The following NAT10 variants were observed in gnomAD, a reference collection of about 807,000 sequenced individuals.
The protein encoded by NAT10 is N-acetyltransferase 10, also known as RNA cytidine acetyltransferase.
In NAT10, 109 loss-of-function variants were observed where a neutral mutation model predicts 132.2. That is an observed-to-expected ratio of 0.82 (90% CI 0.71 to 0.97). The LOEUF is 0.97. Ranked by LOEUF, NAT10 falls within the 50% of genes least tolerant of loss-of-function variation. The pLI is 0.00. For missense variants in NAT10, 1,184 were observed against 1,263.4 expected, an observed-to-expected ratio of 0.94 and a Z score of 0.95; for synonymous variants, 479 against 478.0, an observed-to-expected ratio of 1.00 and a Z score of -0.03.
intron 5 of NAT10, 90 bp downstream of exon 5, chr11:34,113,928 A>C: frequency 6.7e-7 from 1 of 1,491,430 alleles, no homozygotes; most frequent in African/African-American, 1.4e-5. Flanking sequence ...CCTGTTGGGC[A>C]GCTCCAGTGA....
chr11:34,134,269 T>C, intron 16 of NAT10, 50 bp from the exon 17 acceptor site: 1 of 1,475,604 alleles, frequency 6.8e-7, no homozygotes, highest in South Asian at 1.1e-5. Context: ...GTGAGTGGGC[T>C]CTGTATCAGA....
rs79517378 is a variant in NAT10 at position 34,112,039 on chromosome 11, T to C, written c.201-13T>C. The C allele has an allele frequency of 0.088, 141,463 of 1,612,960 alleles. 6,829 individuals carry two copies. Among genetic ancestry groups the C allele is most frequent in the African/African-American group, 0.15 (11,482 of 74,888 alleles). On this transcript the variant is annotated splice_polypyrimidine_tract_variant and intron_variant, in intron 3 of 28. Transcript: ENST00000257829. ...TAACTGGCTCTCATGGGATTGGGGG[T>C]GTGTGATTGCAGTCACCGGAAGAAA...
intron 3 of NAT10, among the ~76,000 whole-genome samples, chr11:34,111,202 C>T (rs1307946410): frequency 6.6e-6 from 1 of 152,204 alleles, no homozygotes; most frequent in Admixed American, 6.5e-5. Context: ...TTCTGCCCCA[C>T]CCCTGTCTTA....
rs1331970068 is a variant in NAT10, at chr11:34,146,151, A to G, written c.3037A>G (p.Thr1013Ala). The change falls in exon 29 of 29, where the codon ACA becomes GCA. Residue 1013 changes from threonine to alanine, a missense_variant. Physicochemically the swap from Thr to Ala is moderately conservative, Grantham distance 58. Coordinates refer to ENST00000257829, the MANE Select transcript of NAT10 (RefSeq NM_024662.3). ...GAGCAAGAAGTTGAAGAACAGAGAG[A>G]CAAAGAACAAAAAAGATATGAAACT... ...KQSKKLKNRE[T>A]KNKKDMKLKR... The G allele has an allele frequency of 1.2e-6, 2 of 1,610,364 alleles. No individual in the cohort carries two copies. Among genetic ancestry groups the G allele is most frequent in the Non-Finnish European group, 1.7e-6 (2 of 1,178,658 alleles).
At position 34,146,392 on chromosome 11, in the gene NAT10, T is replaced by A. The variant is rs549209912; in HGVS notation, c.*200T>A. 6.3e-6 allele frequency: 3 copies of A among 479,250 alleles called. No homozygotes were observed. In the South Asian group the frequency reaches 8.8e-5, roughly 14 times the overall value. The allele number at this position is 479,250 out of a possible 1,614,324, so 29.7% of individuals were successfully genotyped here. On this transcript the variant is annotated 3_prime_UTR_variant, in exon 29 of 29. Transcript: ENST00000257829. ...ACTCCCAAATGGGTCTCTTTAGAAC[T>A]TGATGGCTGGGCACTGCCATCTCTA...
chr11:34,110,559 CTTTTTTTTT>C (rs948109196), intron 3 of NAT10, among the ~76,000 whole-genome samples: 3 of 101,742 alleles, frequency 2.9e-5, no homozygotes, highest in African/African-American at 9.0e-5. Flanking sequence ...TTTTCTTTCC[CTTTTTTTTT>C]TTTTTTTTTT....
chr11:34,140,965 T>C, intron 24 of NAT10, 124 bp from the exon 25 acceptor site: 1 of 1,294,560 alleles, frequency 7.7e-7, no homozygotes, highest in South Asian at 1.4e-5. Flanking sequence ...GATGCCAATA[T>C]ACACAGTGCT....
In NAT10 at chr11:34,123,917, C is replaced by T; in HGVS notation, c.1008+62C>T. ...TGGTGTGGTGGCTCACGCCTGTAAT[C>T]CCAGCACTTTGGGAGGCCGACGCGG... is the stretch of plus-strand genomic sequence containing the variant. On this transcript the variant is annotated intron_variant, in intron 10 of 28. Transcript: ENST00000257829. The T allele has an allele frequency of 2.2e-6, 3 of 1,367,292 alleles. No homozygotes were observed. In the South Asian group the frequency reaches 3.5e-5, roughly 16 times the overall value. The allele number at this position is 1,367,292 out of a possible 1,614,324, so 84.7% of individuals were successfully genotyped here.
At chr11:34,112,454 G>A (rs1851712370) in intron 4 of NAT10, among the ~76,000 whole-genome samples, 1 of 152,242 alleles carries the variant, frequency 6.6e-6, no homozygotes, top group Non-Finnish European at 1.5e-5. Flanking sequence ...CAGAACTGAA[G>A]TGATGAGTTA....
At chr11:34,129,222 A>G (rs572035537) in intron 12 of NAT10, among the ~76,000 whole-genome samples, 34 of 152,354 alleles carry the variant, frequency 2.2e-4, no homozygotes, top group Middle Eastern at 3.4e-3. Flanking sequence ...AGACTCTTCC[A>G]AAGCAATTGC....
Position 34,134,316 on chromosome 11 carries a change from C to T in NAT10, c.1735-3C>T, listed in dbSNP as rs560195648. 3.7e-6 allele frequency: 6 copies of T among 1,613,882 alleles called. 1 individual carries two copies. The South Asian group carries it at 6.6e-5, about 18-fold the overall frequency. ...TGCCTGCACTGTCCTGCTTCCCCCACAGGTGTGCCTTGAAGGGGAGATTTC... is the reference window on the plus strand; with the variant it reads ...TGCCTGCACTGTCCTGCTTCCCCCATAGGTGTGCCTTGAAGGGGAGATTTC... On this transcript the variant is annotated splice_polypyrimidine_tract_variant and splice_region_variant and intron_variant, in intron 16 of 28. Transcript: ENST00000257829.
rs1851739306 is a variant in NAT10, at chr11:34,113,771, G to A, written c.428G>A (p.Gly143Asp). ...GCCAGGACTGTAGAAACAGTGGAAG[G>A]TGGTGGGCTAGTGGTCATCCTCCTA... ...LLARTVETVE[G>D]GGLVVILLRT... Residue 143 changes from glycine to aspartate, a missense_variant, in exon 5 of 29, where the codon GGT (glycine) becomes GAT (aspartate). Coordinates refer to ENST00000257829, the MANE Select transcript of NAT10 (RefSeq NM_024662.3). 1 of 1,614,158 alleles carries A rather than the reference G, an allele frequency of 6.2e-7. No individual in the cohort carries two copies.
intron 8 of NAT10, among the ~76,000 whole-genome samples, chr11:34,119,002 A>G (rs1398218024): frequency 2.6e-5 from 4 of 152,234 alleles, no homozygotes; most frequent in Admixed American, 6.5e-5. Flanking sequence ...TTGATGATAT[A>G]AAGGCTTTTG....
Position 34,146,178 on chromosome 11 carries a change from A to C in NAT10, c.3064A>C (p.Lys1022Gln). The C allele has an allele frequency of 6.2e-7, 1 of 1,602,468 alleles. No individual in the cohort carries two copies. The highest frequency in any genetic ancestry group is 1.1e-5 in the South Asian group (1 of 88,756). Residue 1022 changes from lysine to glutamine, a missense_variant, in exon 29 of 29, where the codon AAG becomes CAG. Transcript: ENST00000257829. The stretch of plus-strand genomic sequence containing the variant: ...AAAGAACAAAAAAGATATGAAACTG[A>C]AGCGGAAGAAATAGTGAAGAGAAAC... ...ETKNKKDMKL[K>Q]RKK
At position 34,115,885 on chromosome 11, in the gene NAT10, G is replaced by A. The variant is rs1163842825; in HGVS notation, c.557+1G>A. On this transcript the variant is annotated splice_donor_variant, in intron 6 of 28. Transcript: ENST00000257829. LOFTEE classifies it high-confidence loss of function. ...ATGTGGTGGGAAGATTTAATGAAAGGTAATTCTATAGTTCCCCCCAATTGT... is the reference window on the plus strand; with the variant it reads ...ATGTGGTGGGAAGATTTAATGAAAGATAATTCTATAGTTCCCCCCAATTGT... 6.2e-7 allele frequency: 1 copy of A among 1,614,078 alleles called. No homozygotes were observed. The highest frequency in any genetic ancestry group is 1.1e-5 in the South Asian group (1 of 91,044).
At chr11:34,115,494 T>TC (rs1203815772) in intron 5 of NAT10, among the ~76,000 whole-genome samples, 2 of 152,196 alleles carry the variant, frequency 1.3e-5, no homozygotes, top group African/African-American at 4.8e-5. Flanking sequence ...TCCATTATAC[T>TC]CCAAGTGCCA....
intron 28 of NAT10, among the ~76,000 whole-genome samples, chr11:34,145,401 T>C (rs1336183639): frequency 2.0e-5 from 3 of 152,212 alleles, no homozygotes; most frequent in African/African-American, 7.2e-5. Flanking sequence ...ATGATGTTAA[T>C]GGTCTCTGGA....
chr11:34,127,725 C>G (rs1487286106), intron 12 of NAT10, 126 bp downstream of exon 12: 1 of 1,191,514 alleles, frequency 8.4e-7, no homozygotes, highest in African/African-American at 1.5e-5. Flanking sequence ...GTGTTTGAGG[C>G]TGCTTCATTC....
chr11:34,106,475 C>T (rs977769876), intron 1 of NAT10, among the ~76,000 whole-genome samples: 1 of 150,644 alleles, frequency 6.6e-6, no homozygotes, highest in African/African-American at 2.4e-5. Flanking sequence ...TCATCTCATT[C>T]TCTTAAATAC....
Sources: gnomAD v4.1 joint callset for allele counts (sites outside exome capture counted in the v4.1 genomes callset) on GRCh38, gnomAD v4.1.1 for gene constraint, MANE v1.5 for transcripts, NCBI Gene and HGNC (gene_info 2026-07-23, HGNC 2026-07-21) for gene names.